Variants in ZNF469 observed in about 807,000 individuals in gnomAD.
ZNF469 encodes zinc finger protein 469.
A neutral mutation model predicts 1.0 loss-of-function variants in ZNF469; 1 was observed. That is an observed-to-expected ratio of 1.00 (90% CI 0.35 to 4.73). The LOEUF (loss-of-function observed/expected upper bound fraction) is 4.73, where lower values mean the gene tolerates loss of function less well. ZNF469 is among the 30% of genes most tolerant of loss of function. ZNF469 has a pLI of 0.16. For synonymous variants in ZNF469, 2,703 were observed against 2,363.4 expected, an observed-to-expected ratio of 1.14 and a Z score of -4.17; for missense variants, 6,100 against 5,356.3, an observed-to-expected ratio of 1.14 and a Z score of -4.33.
At chr16:88,407,418 C>T (rs1905052864) in intron 1 of ZNF469, among the ~76,000 whole-genome samples, 1 of 152,236 alleles carries the variant, frequency 6.6e-6, no homozygotes, top group Non-Finnish European at 1.5e-5. Flanking sequence ...CCCTCATCAG[C>T]GTCACTCTCT....
chr16:88,298,370 G>A, the ZNF469 span, among the ~76,000 whole-genome samples: 2 of 152,174 alleles, frequency 1.3e-5, no homozygotes, highest in African/African-American at 2.4e-5. Flanking sequence ...GGGAAAGGGC[G>A]GATGACACAT....
the ZNF469 span, among the ~76,000 whole-genome samples, chr16:88,227,680 A>G: frequency 6.7e-6 from 1 of 149,754 alleles, no homozygotes; most frequent in African/African-American, 2.5e-5. Flanking sequence ...TATTTTCCAT[A>G]TGTTCATCTC....
rs761477298 is a variant in ZNF469 at position 88,433,913 on chromosome 16, G to T, written c.6443G>T (p.Gly2148Val). ...SPSRAQGGLG[G>V]QLPASPSCRD... ...TCCAGGGCCCAAGGTGGGCTGGGGG[G>T]GCAGCTGCCAGCATCTCCGTCCTGC... Residue 2148 changes from glycine to valine, a missense_variant, in exon 3 of 3, where the codon GGG (glycine) becomes GTG (valine). Coordinates refer to ENST00000565624, the MANE Select transcript of ZNF469 (RefSeq NM_001367624.2). 1.3e-6 allele frequency: 2 copies of T among 1,549,206 alleles called. No homozygotes were observed. The highest frequency in any genetic ancestry group is 2.7e-5 in the African/African-American group (2 of 73,044).
the ZNF469 span, among the ~76,000 whole-genome samples, chr16:88,220,182 G>T: frequency 0.016 from 2,375 of 152,222 alleles, 119 homozygotes; most frequent in East Asian, 0.18. Context: ...CTGAAACAGA[G>T]GGCACTGCAT....
chr16:88,396,137 T>C (rs1023040102), intron 1 of ZNF469, among the ~76,000 whole-genome samples: 2 of 152,198 alleles, frequency 1.3e-5, no homozygotes, highest in African/African-American at 4.8e-5. Flanking sequence ...GTACTTTGGG[T>C]CTGTTGAGTG....
rs1905550182 is a variant in ZNF469 at position 88,423,103 on chromosome 16, GA to G, written c.-191-1703del. Among the ~76,000 whole-genome samples, 3 of 108,804 alleles carry G rather than the reference GA, an allele frequency of 2.8e-5. No individual in the cohort carries two copies. In the South Asian group the frequency reaches 1.4e-3, roughly 52 times the overall value. The allele number at this position is 108,804 out of a possible 152,430, so 71.4% of individuals were successfully genotyped here. ...AGATGGATGATGATGATGATGGATG[GA>G]TGGGTGGATGGATGGATGGATGGAT... On this transcript the variant is annotated intron_variant, in intron 1 of 2. Transcript: ENST00000565624.
the ZNF469 span, among the ~76,000 whole-genome samples, chr16:88,228,803 T>C: frequency 6.6e-6 from 1 of 152,222 alleles, no homozygotes; most frequent in East Asian, 1.9e-4. Context: ...CTGGGAGGCC[T>C]GCCTGTGTCA....
chr16:88,286,534 A>T, the ZNF469 span, among the ~76,000 whole-genome samples: 1 of 152,246 alleles, frequency 6.6e-6, no homozygotes, highest in African/African-American at 2.4e-5. Flanking sequence ...GCCACTTGCC[A>T]TCGGGAGAGG....
chr16:88,303,527 A>G, the ZNF469 span, among the ~76,000 whole-genome samples: 429 of 152,312 alleles, frequency 2.8e-3, 1 homozygote, highest in Non-Finnish European at 5.0e-3. Context: ...GCCGGGAGGA[A>G]CATTCTACTT....
intron 1 of ZNF469, among the ~76,000 whole-genome samples, chr16:88,399,357 A>T (rs1007308726): frequency 6.6e-5 from 10 of 152,224 alleles, no homozygotes; most frequent in Admixed American, 2.6e-4. Context: ...TCTGGATGGG[A>T]CACAATGCAG....
chr16:88,429,873 G>T lies in ZNF469; in HGVS notation c.2403G>T (p.Gly801=). The stretch of plus-strand genomic sequence containing the variant: ...ACGCGAAGACCTTCCTGTTAGCTGG[G>T]GACGCCCAGGCCGAGGGCAAAGACG... ...LSHAKTFLLA[G]DAQAEGKDDP... Residue 801 remains glycine, a synonymous_variant, in exon 3 of 3, where the codon GGG becomes GGT. Coordinates refer to ENST00000565624, the MANE Select transcript of ZNF469 (RefSeq NM_001367624.2). 6.5e-7 allele frequency: 1 copy of T among 1,550,170 alleles called. No individual in the cohort carries two copies. The highest frequency in any genetic ancestry group is 1.2e-5 in the South Asian group (1 of 84,056).
At chr16:88,325,310 G>C in the ZNF469 span, among the ~76,000 whole-genome samples, 2,710 of 152,146 alleles carry the variant, frequency 0.018, 73 homozygotes, top group African/African-American at 0.062. Flanking sequence ...GGGGGCCGCA[G>C]GGGCTCAGAC....
At chr16:88,381,572 T>A (rs760232008), upstream of ZNF469, among the ~76,000 whole-genome samples, 20 of 152,236 alleles carry the variant, frequency 1.3e-4, no homozygotes, top group Non-Finnish European at 2.5e-4. Flanking sequence ...ACCCGCTTGA[T>A]TGAAATCCTG....
At position 88,436,971 on chromosome 16, in the gene ZNF469, C is replaced by T. The variant is rs1285256857; in HGVS notation, c.9501C>T (p.His3167=). 2.0e-6 allele frequency: 3 copies of T among 1,507,708 alleles called. No homozygotes were observed. The highest frequency in any genetic ancestry group is 2.1e-5 in the Admixed American group (1 of 48,246). 93.4% of individuals were successfully genotyped at this position (1,507,708 alleles called of 1,614,324 possible). ...ELLRGHLQER[H]AQSKAGPWAC... ...TGCGGGGGCACCTGCAGGAGAGGCA[C>T]GCGCAGAGCAAGGCCGGGCCCTGGG... The change falls in exon 3 of 3, where the codon CAC becomes CAT. Residue 3167 remains histidine, a synonymous_variant. Transcript: ENST00000565624.
intron 2 of ZNF469, among the ~76,000 whole-genome samples, chr16:88,425,502 T>G (rs2142294589): frequency 6.6e-6 from 1 of 150,970 alleles, no homozygotes; most frequent in African/African-American, 2.5e-5. Flanking sequence ...TGTGCAGGGC[T>G]AGGAGCCAGC....
the ZNF469 span, among the ~76,000 whole-genome samples, chr16:88,120,110 C>A: frequency 6.6e-6 from 1 of 152,172 alleles, no homozygotes; most frequent in Non-Finnish European, 1.5e-5. Flanking sequence ...GGTGGGTGGA[C>A]GTGTCCCGTG....
intron 1 of ZNF469, among the ~76,000 whole-genome samples, chr16:88,385,702 A>C (rs921705909): frequency 6.6e-6 from 1 of 151,592 alleles, no homozygotes. Context: ...CATAGGGCTG[A>C]TGATGTGGGG....
chr16:88,230,763 AGGAGTGG>A, the ZNF469 span, among the ~76,000 whole-genome samples: 2 of 152,162 alleles, frequency 1.3e-5, no homozygotes, highest in Non-Finnish European at 2.9e-5. Context: ...GAACGTACCA[AGGAGTGG>A]GCATCTGTCC....
the ZNF469 span, among the ~76,000 whole-genome samples, chr16:88,133,937 T>C: frequency 6.6e-6 from 1 of 151,984 alleles, no homozygotes; most frequent in African/African-American, 2.4e-5. Context: ...CTACTAAAAA[T>C]ACAAAAAATT....
Sources: gnomAD v4.1 joint callset for allele counts (sites outside exome capture counted in the v4.1 genomes callset) on GRCh38, gnomAD v4.1.1 for gene constraint, MANE v1.5 for transcripts, NCBI Gene and HGNC (gene_info 2026-07-23, HGNC 2026-07-21) for gene names.